The following BAZ1A variants were observed in gnomAD, a reference collection of about 807,000 sequenced individuals.
BAZ1A encodes the protein bromodomain adjacent to zinc finger domain protein 1A.
In BAZ1A, 50 loss-of-function variants were observed where a neutral mutation model predicts 185.2. That is an observed-to-expected ratio of 0.27 (90% CI 0.22 to 0.34). BAZ1A has a LOEUF of 0.34. Ranked by LOEUF, BAZ1A falls within the 10% of genes least tolerant of loss-of-function variation. The probability of loss-of-function intolerance (pLI) is 1.00; values close to 1 mark genes in which losing one functional copy is unlikely to be tolerated. For synonymous variants in BAZ1A, 571 were observed against 615.6 expected (o/e 0.93, Z 1.07); for missense variants, 1,356 against 1,839.9 (o/e 0.74, Z 4.81).
chr14:34,790,168 CTT>C (rs60291735), intron 12 of BAZ1A, among the ~76,000 whole-genome samples: 28 of 140,654 alleles, frequency 2.0e-4, no homozygotes, highest in Admixed American at 7.9e-4. Context: ...TAAATATTTT[CTT>C]TTTTTTTTTT....
At chr14:34,830,769 C>CTTTT (rs1296749026) in intron 3 of BAZ1A, among the ~76,000 whole-genome samples, 4 of 128,428 alleles carry the variant, frequency 3.1e-5, no homozygotes, top group African/African-American at 8.6e-5. Flanking sequence ...TCTACAACTC[C>CTTTT]TTTTTTTTTT....
chr14:34,842,125 AC>A (rs2042424187), intron 3 of BAZ1A, among the ~76,000 whole-genome samples: 1 of 152,164 alleles, frequency 6.6e-6, no homozygotes, highest in African/African-American at 2.4e-5. Context: ...AGCAGCCAGC[AC>A]ACAATACTTA....
chr14:34,776,749 G>C (rs1389132733), intron 17 of BAZ1A, among the ~76,000 whole-genome samples: 1 of 152,158 alleles, frequency 6.6e-6, no homozygotes, highest in Non-Finnish European at 1.5e-5. Context: ...AACATGATTG[G>C]TGTTCTTAGA....
chr14:34,768,300 G>T (rs1349983100), intron 21 of BAZ1A, among the ~76,000 whole-genome samples: 1 of 151,960 alleles, frequency 6.6e-6, no homozygotes, highest in Non-Finnish European at 1.5e-5. Context: ...TTCTCTAGGG[G>T]ACAAAACATA....
intron 16 of BAZ1A, among the ~76,000 whole-genome samples, chr14:34,781,128 A>C (rs1880007775): frequency 6.6e-6 from 1 of 152,244 alleles, no homozygotes; most frequent in African/African-American, 2.4e-5. Flanking sequence ...ATTATGTTCT[A>C]AATCCACAGT....
intron 17 of BAZ1A, among the ~76,000 whole-genome samples, chr14:34,778,686 G>A (rs969780544): frequency 6.6e-6 from 1 of 152,028 alleles, no homozygotes; most frequent in African/African-American, 2.4e-5. Context: ...CAAAAATTGT[G>A]TATATCTCAT....
intron 21 of BAZ1A, among the ~76,000 whole-genome samples, chr14:34,768,318 T>C (rs186833595): frequency 6.6e-6 from 1 of 152,266 alleles, no homozygotes; most frequent in East Asian, 1.9e-4. Context: ...ATAAAAACTC[T>C]TGTCCTATGT....
At chr14:34,807,844 G>A (rs997491687) in intron 5 of BAZ1A, among the ~76,000 whole-genome samples, 7 of 151,984 alleles carry the variant, frequency 4.6e-5, no homozygotes, top group Non-Finnish European at 8.8e-5. Flanking sequence ...AGTGGCTCAC[G>A]CCTGTAATCC....
Position 34,773,746 on chromosome 14 carries a change from T to C in BAZ1A, c.2998-20A>G. 6.2e-7 allele frequency: 1 copy of C among 1,611,556 alleles called. No homozygotes were observed. The highest frequency in any genetic ancestry group is 1.1e-5 in the South Asian group (1 of 90,844). On this transcript the variant is annotated intron_variant, in intron 19 of 26. Coordinates refer to ENST00000360310, the MANE Select transcript of BAZ1A (RefSeq NM_013448.3). ...TGTAACCTGTAACAAAATTCAAACT[T>C]ACTAACCATGAAAAATGGAATATAT...
intron 12 of BAZ1A, among the ~76,000 whole-genome samples, chr14:34,789,062 C>A (rs187994659): frequency 2.0e-5 from 3 of 152,266 alleles, no homozygotes; most frequent in East Asian, 1.9e-4. Context: ...TCCTACCAGA[C>A]CTAATCTAGC....
intron 2 of BAZ1A, among the ~76,000 whole-genome samples, chr14:34,862,688 A>G (rs531724297): frequency 1.2e-4 from 18 of 151,876 alleles, no homozygotes; most frequent in Non-Finnish European, 2.4e-4. Context: ...AAAGTTCTTA[A>G]TTAACATTTC....
At chr14:34,825,901 G>T in intron 4 of BAZ1A, 112 bp downstream of exon 4, 1 of 1,087,694 alleles carries the variant, frequency 9.2e-7, no homozygotes, top group Non-Finnish European at 1.2e-6. Context: ...TCGAGCCACT[G>T]TACTCCAGCC....
At chr14:34,827,076 C>T (rs1490720420) in intron 3 of BAZ1A, among the ~76,000 whole-genome samples, 3 of 144,400 alleles carry the variant, frequency 2.1e-5, no homozygotes, top group African/African-American at 7.5e-5. Context: ...TCTCCCCATC[C>T]CTTCTCCTAT....
At chr14:34,759,184 T>TG (rs1555336964) in intron 24 of BAZ1A, among the ~76,000 whole-genome samples, 12 of 108,104 alleles carry the variant, frequency 1.1e-4, no homozygotes, top group Admixed American at 4.3e-4. Flanking sequence ...TTTTTTTTTT[T>TG]TTTTTTTTTT....
chr14:34,874,426 G>A lies in BAZ1A; in HGVS notation c.113+66C>T. ...AGCCCAGGGCGAGGAAAAGGAGAGA[G>A]ACAAAAGAGCGCTGCGGGGGGAGTC... On this transcript the variant is annotated intron_variant, in intron 2 of 26. Coordinates refer to ENST00000360310, the MANE Select transcript of BAZ1A (RefSeq NM_013448.3). The surrounding 1 kb of genome is among the most constrained non-coding windows in gnomAD (Gnocchi z 4.7). 2 of 1,445,956 alleles carry A rather than the reference G, an allele frequency of 1.4e-6. No homozygotes were observed. Among genetic ancestry groups the A allele is most frequent in the South Asian group, 1.1e-5 (1 of 87,376 alleles). The allele number at this position is 1,445,956 out of a possible 1,614,324, so 89.6% of individuals were successfully genotyped here. A position where few individuals can be genotyped will look rare whatever the true frequency, so the allele number is the denominator to read the frequency against.
At chr14:34,838,831 C>T (rs1045302018) in intron 3 of BAZ1A, among the ~76,000 whole-genome samples, 2 of 151,964 alleles carry the variant, frequency 1.3e-5, no homozygotes, top group African/African-American at 4.8e-5. Flanking sequence ...GGCCAGGAAA[C>T]AATTATTTTA....
In BAZ1A at chr14:34,800,048, C is replaced by A. The variant is rs577489278; in HGVS notation, c.1128+176G>T. On this transcript the variant is annotated intron_variant, in intron 9 of 26. Coordinates refer to ENST00000360310, the MANE Select transcript of BAZ1A (RefSeq NM_013448.3). ...ATTCTAAAAGAGGTTTTAAGTGATG[C>A]GTAAAGGCATGTTAAATTTTCCAAA... Among the ~76,000 whole-genome samples the A allele has an allele frequency of 5.9e-5, 9 of 152,152 alleles. No homozygotes were observed. The East Asian group carries it at 1.7e-3, about 29-fold the overall frequency.
chr14:34,871,414 T>C (rs977747717), intron 2 of BAZ1A, among the ~76,000 whole-genome samples: 3 of 152,240 alleles, frequency 2.0e-5, no homozygotes, highest in Non-Finnish European at 4.4e-5. Flanking sequence ...CATTTGTCTA[T>C]AGTTGATGTG....
chr14:34,824,217 A>T lies in BAZ1A; in HGVS notation c.536+1796T>A, dbSNP rs1156665822. 2.0e-5 allele frequency among the ~76,000 whole-genome samples: 3 copies of T among 149,000 alleles called. No homozygotes were observed. The East Asian group carries it at 5.8e-4, about 29-fold the overall frequency. On this transcript the variant is annotated intron_variant, in intron 4 of 26. Coordinates refer to ENST00000360310, the MANE Select transcript of BAZ1A (RefSeq NM_013448.3). ...TCTACTTAAAAAAAAAAAAAAAAAA[A>T]TTAAAAATTAGCCAGGCATGGTAGC...
Sources: allele counts gnomAD v4.1 joint callset (sites outside exome capture counted in the v4.1 genomes callset), GRCh38; gene constraint gnomAD v4.1.1; non-coding constraint Gnocchi (gnomAD v3.1); transcripts MANE v1.5; gene names NCBI Gene and HGNC (gene_info 2026-07-23, HGNC 2026-07-21).